The following CTRB2 variants were observed in gnomAD, a reference collection of about 807,000 sequenced individuals.
CTRB2 encodes chymotrypsinogen B2.
A neutral mutation model predicts 19.3 loss-of-function variants in CTRB2; 9 were observed. The observed-to-expected ratio is 0.47, with a 90% CI of 0.28 to 0.81. CTRB2 has a LOEUF of 0.81. Among genes scored for constraint, CTRB2 ranks in the 40% least tolerant of loss-of-function variants. CTRB2 has a pLI of 0.11. For missense variants in CTRB2, 210 were observed against 269.7 expected (o/e 0.78, Z 1.55); for synonymous variants, 98 against 117.3 (o/e 0.84, Z 1.06).
chr16:75,206,156 GCCGCTGAGCA>G lies in CTRB2; in HGVS notation c.80_89del (p.Val27AlafsTer6). 1 of 1,552,308 alleles carries G rather than the reference GCCGCTGAGCA, an allele frequency of 6.4e-7. No individual in the cohort carries two copies. The highest frequency in any genetic ancestry group is 8.7e-7 in the Non-Finnish European group (1 of 1,147,490). On this transcript the variant is annotated frameshift_variant, in exon 2 of 7. Transcript: ENST00000303037. LOFTEE classifies it high-confidence loss of function. ...CCTCCCCATTCACGATCCTGGACAG[GCCGCTGAGCA>G]CAGGGTGGATGGCGGGGACCCCGCA...
rs1331078831 is a variant in CTRB2 at position 75,206,200 on chromosome 16, G to T, written c.53-7C>A. Reference sequence around the variant, plus strand: ...ATGGCGGGGACCCCGCAGCCTGGGGGCGGGAGTGGGCTGAGGGGTGGGTAC... The same window carrying T: ...ATGGCGGGGACCCCGCAGCCTGGGGTCGGGAGTGGGCTGAGGGGTGGGTAC... On this transcript the variant is annotated splice_region_variant and splice_polypyrimidine_tract_variant and intron_variant, in intron 1 of 6. Coordinates refer to ENST00000303037, the MANE Select transcript of CTRB2 (RefSeq NM_001025200.4). 1.7e-5 allele frequency: 27 copies of T among 1,557,018 alleles called. No individual in the cohort carries two copies. The highest frequency in any genetic ancestry group is 2.3e-5 in the Non-Finnish European group (26 of 1,149,850).
In CTRB2 at chr16:75,204,536, G is replaced by A. The variant is rs182547369; in HGVS notation, c.631-214C>T. On this transcript the variant is annotated intron_variant, in intron 6 of 6. Coordinates refer to ENST00000303037, the MANE Select transcript of CTRB2 (RefSeq NM_001025200.4). ...GGCAGGTGGCTTCCCTCTCTAAGCC[G>A]GGGCACCATCCATCTCTCCAAACCT... is the stretch of plus-strand genomic sequence containing the variant. 5.9e-5 allele frequency among the ~76,000 whole-genome samples: 9 copies of A among 152,212 alleles called. 1 individual carries two copies. The East Asian group carries it at 1.5e-3, about 26-fold the overall frequency.
intron 5 of CTRB2, 196 bp from the exon 6 acceptor site, chr16:75,205,102 G>A: frequency 9.3e-6 from 2 of 215,748 alleles, no homozygotes; most frequent in African/African-American, 2.8e-4. Flanking sequence ...GCGACTCCAG[G>A]CAGGTCAGCC....
Position 75,204,225 on chromosome 16 carries a change from G to T in CTRB2, c.728C>A (p.Pro243His). 1 of 1,614,106 alleles carries T rather than the reference G, an allele frequency of 6.2e-7. No individual in the cohort carries two copies. The highest frequency in any genetic ancestry group is 8.5e-7 in the Non-Finnish European group (1 of 1,180,006). Residue 243 changes from proline (P) to histidine (H), a missense_variant, in exon 7 of 7, where the codon CCC (proline) becomes CAC (histidine). Coordinates refer to ENST00000303037, the MANE Select transcript of CTRB2 (RefSeq NM_001025200.4). ...WGSRTCSTTT[P>H]AVYARVAKLI... ...CTTGGCGACACGGGCGTACACAGCG[G>T]GCGTGGTGGTAGAGCAGGTGCGGCT... is the stretch of plus-strand genomic sequence containing the variant.
chr16:75,206,812 C>T (rs1045091498), intron 1 of CTRB2: 1 of 483,794 alleles, frequency 2.1e-6, no homozygotes, highest in Non-Finnish European at 3.8e-6. Context: ...GGACACCTGC[C>T]TCCTCCCCCC....
rs749394486 is a variant in CTRB2 at position 75,206,187 on chromosome 16, C to G, written c.59G>C (p.Gly20Ala). The G allele has an allele frequency of 1.1e-5, 17 of 1,557,192 alleles. No individual in the cohort carries two copies. In the African/African-American group the frequency reaches 1.9e-4, roughly 17 times the overall value. Reference sequence around the variant, plus strand: ...GAGCACAGGGTGGATGGCGGGGACCCCGCAGCCTGGGGGCGGGAGTGGGCT... The same window carrying G: ...GAGCACAGGGTGGATGGCGGGGACCGCGCAGCCTGGGGGCGGGAGTGGGCT... ...WALLGTTFGC[G>A]VPAIHPVLSG... The change falls in exon 2 of 7, where the codon GGG (glycine) becomes GCG (alanine). Residue 20 changes from glycine (G) to alanine (A), a missense_variant. Around this residue, in one of 4 missense-constraint regions of CTRB2, gnomAD observed 57 missense variants for 72.6 expected, o/e 0.79. Coordinates refer to ENST00000303037, the MANE Select transcript of CTRB2 (RefSeq NM_001025200.4).
intron 6 of CTRB2, 78 bp from the exon 7 acceptor site, chr16:75,204,400 G>T: frequency 1.4e-6 from 2 of 1,415,788 alleles, no homozygotes; most frequent in South Asian, 1.2e-5. Flanking sequence ...GTGGAGTCTA[G>T]GGAGGGGTGC....
In CTRB2 at chr16:75,206,180, G is replaced by A. The variant is rs775514727; in HGVS notation, c.66C>T (p.Pro22=). 1.1e-5 allele frequency: 17 copies of A among 1,556,234 alleles called. No homozygotes were observed. Among genetic ancestry groups the A allele is most frequent in the Middle Eastern group, 3.4e-4 (2 of 5,940 alleles). The change falls in exon 2 of 7, where the codon CCC becomes CCT. Residue 22 remains proline (P), a synonymous_variant. Coordinates refer to ENST00000303037, the MANE Select transcript of CTRB2 (RefSeq NM_001025200.4). ...GGCCGCTGAGCACAGGGTGGATGGC[G>A]GGGACCCCGCAGCCTGGGGGCGGGA... The part of the protein sequence containing the change: ...LLGTTFGCGV[P]AIHPVLSGLS...
chr16:75,206,392 T>C (rs940231510), intron 1 of CTRB2, 199 bp from the exon 2 acceptor site: 42 of 616,842 alleles, frequency 6.8e-5, no homozygotes, highest in Non-Finnish European at 1.0e-4. Flanking sequence ...AACTGGGCTG[T>C]GGGCTGCTGA....
At chr16:75,206,854 G>T in intron 1 of CTRB2, 2 of 534,638 alleles carry the variant, frequency 3.7e-6, no homozygotes, top group Non-Finnish European at 6.8e-6. Flanking sequence ...AGGTCTGCTG[G>T]GGGTGAGGAA....
intron 1 of CTRB2, 171 bp from the exon 2 acceptor site, chr16:75,206,364 G>A (rs1306996970): frequency 6.0e-6 from 4 of 668,598 alleles, no homozygotes; most frequent in African/African-American, 5.4e-5. Flanking sequence ...GAATCCCCAG[G>A]TACAACTGAG....
chr16:75,207,000 T>A, intron 1 of CTRB2, 90 bp downstream of exon 1: 1 of 1,246,940 alleles, frequency 8.0e-7, no homozygotes, highest in Admixed American at 2.0e-5. Context: ...ACAGCTGAAC[T>A]GGGAGCTGGG....
intron 5 of CTRB2, 188 bp from the exon 6 acceptor site, chr16:75,205,094 G>A (rs2038877975): frequency 2.3e-5 from 5 of 218,624 alleles, no homozygotes; most frequent in African/African-American, 1.3e-4. Flanking sequence ...CCCACGCTGC[G>A]ACTCCAGGCA....
rs1309441941 is a variant in CTRB2, at chr16:75,204,803, A to G, written c.600T>C (p.Cys200=). Residue 200 remains cysteine (C), a synonymous_variant, in exon 6 of 7, where the codon TGT becomes TGC. Transcript: ENST00000303037. ...WGRRITDVMI[C]AGASGVSSCM... is the part of the protein sequence containing the mutation. ...AGGAGGAGACGCCACTGGCCCCGGC[A>G]CAGATCATCACGTCGGTGATCCTCC... is the stretch of plus-strand genomic sequence containing the variant. The G allele has an allele frequency of 1.4e-6, 2 of 1,436,094 alleles. No homozygotes were observed. The highest frequency in any genetic ancestry group is 1.9e-6 in the Non-Finnish European group (2 of 1,056,992). The allele number at this position is 1,436,094 out of a possible 1,614,324, so 89.0% of individuals were successfully genotyped here.
rs1597116918 is a variant in CTRB2 at position 75,205,521 on chromosome 16, TG to T, written c.316-9del. ...CTTGGGGTTCTTGAAGACCTGGGGGTGGGGGCCAGAGTGCCGGGGTGAGGCC... is the reference window on the plus strand; with the variant it reads ...CTTGGGGTTCTTGAAGACCTGGGGGTGGGGCCAGAGTGCCGGGGTGAGGCC... On this transcript the variant is annotated splice_polypyrimidine_tract_variant and intron_variant, in intron 4 of 6. Coordinates refer to ENST00000303037, the MANE Select transcript of CTRB2 (RefSeq NM_001025200.4). The T allele has an allele frequency of 2.1e-6, 1 of 487,090 alleles. No individual in the cohort carries two copies. Among genetic ancestry groups the T allele is most frequent in the East Asian group, 3.2e-5 (1 of 31,186 alleles). The allele number at this position is 487,090 out of a possible 1,614,324, so 30.2% of individuals were successfully genotyped here.
At chr16:75,207,048 AGAG>A (rs1035804547) in intron 1 of CTRB2, 39 bp downstream of exon 1, 49 of 1,539,064 alleles carry the variant, frequency 3.2e-5, no homozygotes, top group Non-Finnish European at 4.2e-5. Flanking sequence ...GCTGGGAGTG[AGAG>A]GAGAAAACCC....
At position 75,204,463 on chromosome 16, in the gene CTRB2, G is replaced by A. The variant is rs1212921306; in HGVS notation, c.631-141C>T. 1.2e-5 allele frequency: 11 copies of A among 955,770 alleles called. No individual in the cohort carries two copies. The East Asian group carries it at 2.1e-4, about 18-fold the overall frequency. The allele number at this position is 955,770 out of a possible 1,614,324, so 59.2% of individuals were successfully genotyped here. A position where few individuals can be genotyped will look rare whatever the true frequency, so the allele number is the denominator to read the frequency against. On this transcript the variant is annotated intron_variant, in intron 6 of 6. Coordinates refer to ENST00000303037, the MANE Select transcript of CTRB2 (RefSeq NM_001025200.4). ...GCTGTGCCGGGGTCCTGAGATCTGGGTTCACATGGCAGCCCCCACTCTGCC... is the reference window on the plus strand; with the variant it reads ...GCTGTGCCGGGGTCCTGAGATCTGGATTCACATGGCAGCCCCCACTCTGCC...
intron 1 of CTRB2, 188 bp downstream of exon 1, chr16:75,206,902 G>T (rs1029409112): frequency 1.6e-6 from 1 of 610,470 alleles, no homozygotes; most frequent in Non-Finnish European, 3.0e-6. Flanking sequence ...CTCAGAGGCG[G>T]CAGCTGAGCC....
chr16:75,204,492 C>A (rs957015517), intron 6 of CTRB2, among the ~76,000 whole-genome samples, 170 bp from the exon 7 acceptor site: 5 of 152,172 alleles, frequency 3.3e-5, no homozygotes, highest in Non-Finnish European at 7.4e-5. Flanking sequence ...CTCTGCCATG[C>A]ACTCTTGGAG....
Sources: allele counts gnomAD v4.1 joint callset (sites outside exome capture counted in the v4.1 genomes callset), GRCh38; gene constraint gnomAD v4.1.1; regional missense constraint gnomAD v4.1.1; transcripts MANE v1.5; gene names NCBI Gene and HGNC (gene_info 2026-07-23, HGNC 2026-07-21).